Variants in RUNX2 observed in about 807,000 individuals in gnomAD.
The protein encoded by RUNX2 is RUNX family transcription factor 2.
A neutral mutation model predicts 51.7 loss-of-function variants in RUNX2; 10 were observed. The ratio of observed to expected loss-of-function variants is 0.19; its 90% CI spans 0.12 to 0.33. The LOEUF (loss-of-function observed/expected upper bound fraction) is 0.33, where lower values mean the gene tolerates loss of function less well. Among genes scored for constraint, RUNX2 ranks in the 10% least tolerant of loss-of-function variants. The pLI is 1.00. For synonymous variants in RUNX2, 276 were observed against 273.6 expected, an observed-to-expected ratio of 1.01 and a Z score of -0.09; for missense variants, 562 against 691.3, an observed-to-expected ratio of 0.81 and a Z score of 2.10.
At chr6:45,512,520 G>T in intron 7 of RUNX2, 113 bp downstream of exon 7, 1 of 1,166,032 alleles carries the variant, frequency 8.6e-7, no homozygotes, top group Non-Finnish European at 1.3e-6. Flanking sequence ...GAGGCATGTG[G>T]GCAAGGGAAT....
intron 2 of RUNX2, among the ~76,000 whole-genome samples, chr6:45,391,810 C>T (rs1392244332): frequency 2.0e-5 from 3 of 152,212 alleles, no homozygotes; most frequent in Non-Finnish European, 1.5e-5. Flanking sequence ...TCTACCTGGT[C>T]TCTCACTTGA....
At chr6:45,387,873 CGTT>C (rs1458733670) in intron 2 of RUNX2, among the ~76,000 whole-genome samples, 1 of 152,076 alleles carries the variant, frequency 6.6e-6, no homozygotes, top group East Asian at 1.9e-4. Context: ...TGAAGGTAAT[CGTT>C]GGCAAAACAG....
At chr6:45,439,322 T>C (rs1025289654) in intron 5 of RUNX2, among the ~76,000 whole-genome samples, 13 of 152,230 alleles carry the variant, frequency 8.5e-5, no homozygotes, top group Admixed American at 2.0e-4. Context: ...TGTTAGGTGA[T>C]TGCTGTACAC....
chr6:45,331,117 GT>G (rs1787401065), intron 2 of RUNX2, among the ~76,000 whole-genome samples: 4 of 149,846 alleles, frequency 2.7e-5, no homozygotes, highest in Non-Finnish European at 5.9e-5. Flanking sequence ...GTGTGTGTGT[GT>G]GTGTGTGTGC....
chr6:45,390,335 G>A (rs139441635), intron 2 of RUNX2, among the ~76,000 whole-genome samples: 5 of 152,320 alleles, frequency 3.3e-5, no homozygotes, highest in African/African-American at 4.8e-5. Flanking sequence ...CCCCAAACCC[G>A]AACTCCACTC....
chr6:45,443,388 A>G (rs1327108401), intron 5 of RUNX2, among the ~76,000 whole-genome samples: 1 of 152,122 alleles, frequency 6.6e-6, no homozygotes, highest in Non-Finnish European at 1.5e-5. Flanking sequence ...CAGAACTGGC[A>G]TGGAATTGCT....
At chr6:45,461,861 C>T (rs192538810) in intron 5 of RUNX2, among the ~76,000 whole-genome samples, 151 of 151,504 alleles carry the variant, frequency 1.0e-3, no homozygotes, top group Non-Finnish European at 1.5e-3. Context: ...AATGAATTAT[C>T]GATATTAATT....
intron 6 of RUNX2, among the ~76,000 whole-genome samples, chr6:45,493,911 A>T (rs540884900): frequency 6.6e-6 from 1 of 152,174 alleles, no homozygotes; most frequent in Non-Finnish European, 1.5e-5. Context: ...TATTCTGATC[A>T]TTATTTGTTT....
intron 2 of RUNX2, among the ~76,000 whole-genome samples, chr6:45,346,431 G>C (rs1256369693): frequency 6.6e-6 from 1 of 152,008 alleles, no homozygotes; most frequent in East Asian, 1.9e-4. Flanking sequence ...TAAGCACAGA[G>C]ATACAATACA....
chr6:45,519,919 C>A (rs1801453507), intron 7 of RUNX2, among the ~76,000 whole-genome samples: 1 of 151,228 alleles, frequency 6.6e-6, no homozygotes, highest in Admixed American at 6.6e-5. Flanking sequence ...CCTCTGCCTC[C>A]CAGATTCAAG....
At position 45,366,315 on chromosome 6, in the gene RUNX2, T is replaced by TA. The variant is rs1310814338; in HGVS notation, c.58+37531_58+37532insA. Among the ~76,000 whole-genome samples the TA allele has an allele frequency of 2.0e-5, 3 of 152,190 alleles. No individual in the cohort carries two copies. The East Asian group carries it at 5.8e-4, about 29-fold the overall frequency. Reference sequence around the variant, plus strand: ...GATTTGAATCCCAGCTCCGCTCCTTTGCTAAGACTTTGGGCAAGTTACCTA... The same window carrying TA: ...GATTTGAATCCCAGCTCCGCTCCTTTAGCTAAGACTTTGGGCAAGTTACCTA... On this transcript the variant is annotated intron_variant, in intron 2 of 8. Transcript: ENST00000647337.
chr6:45,518,394 A>G (rs1473071149), intron 7 of RUNX2, among the ~76,000 whole-genome samples: 1 of 152,168 alleles, frequency 6.6e-6, no homozygotes, highest in Admixed American at 6.5e-5. Context: ...TTCCCTAAAA[A>G]TAGCCTATCT....
intron 6 of RUNX2, among the ~76,000 whole-genome samples, chr6:45,511,200 A>G (rs1387308763): frequency 2.0e-5 from 3 of 152,214 alleles, no homozygotes; most frequent in South Asian, 2.1e-4. Flanking sequence ...TTTTCTGTAT[A>G]TAAGCAGAAG....
intron 6 of RUNX2, among the ~76,000 whole-genome samples, chr6:45,494,974 G>A (rs1222132172): frequency 2.0e-5 from 3 of 152,114 alleles, no homozygotes; most frequent in African/African-American, 4.8e-5. Context: ...CTGAGTACAC[G>A]TGCTTCTCTC....
intron 7 of RUNX2, among the ~76,000 whole-genome samples, chr6:45,539,141 T>C (rs183096397): frequency 6.6e-6 from 1 of 152,230 alleles, no homozygotes; most frequent in East Asian, 1.9e-4. Flanking sequence ...AAAGGAAATA[T>C]ATTCTTCCAA....
intron 3 of RUNX2, among the ~76,000 whole-genome samples, chr6:45,424,620 C>G (rs1380352324): frequency 1.3e-5 from 2 of 152,114 alleles, no homozygotes; most frequent in African/African-American, 4.8e-5. Flanking sequence ...GGGCCACTGA[C>G]AGTTCCCAGT....
chr6:45,503,749 T>A (rs1800868442), intron 6 of RUNX2, among the ~76,000 whole-genome samples: 2 of 152,244 alleles, frequency 1.3e-5, no homozygotes, highest in South Asian at 4.1e-4. Context: ...CCTGTCCTTT[T>A]CTGTAAGACA....
At chr6:45,545,632 A>T (rs904661784) in intron 8 of RUNX2, among the ~76,000 whole-genome samples, 24 of 152,232 alleles carry the variant, frequency 1.6e-4, no homozygotes, top group African/African-American at 5.8e-4. Flanking sequence ...CTTTATAGCT[A>T]AAAGCTGTAG....
At chr6:45,373,863 AAT>A (rs1470490564) in intron 2 of RUNX2, among the ~76,000 whole-genome samples, 1 of 152,164 alleles carries the variant, frequency 6.6e-6, no homozygotes, top group African/African-American at 2.4e-5. Context: ...TGTGACTTAC[AAT>A]ATTATTTGTA....
Sources: gnomAD v4.1 joint callset for allele counts (sites outside exome capture counted in the v4.1 genomes callset) on GRCh38, gnomAD v4.1.1 for gene constraint, MANE v1.5 for transcripts, NCBI Gene and HGNC (gene_info 2026-07-23, HGNC 2026-07-21) for gene names.